Variants in PDE10A observed in about 807,000 individuals in gnomAD.
PDE10A encodes cAMP and cAMP-inhibited cGMP 3',5'-cyclic phosphodiesterase 10A.
A neutral mutation model predicts 97.7 loss-of-function variants in PDE10A; 39 were observed. The ratio of observed to expected loss-of-function variants is 0.40; its 90% CI spans 0.31 to 0.52. The LOEUF (loss-of-function observed/expected upper bound fraction) is 0.52, where lower values mean the gene tolerates loss of function less well. Among genes scored for constraint, PDE10A ranks in the 20% least tolerant of loss-of-function variants. PDE10A has a pLI of 0.56. For synonymous variants in PDE10A, 371 were observed against 376.8 expected (o/e 0.98, Z 0.18); for missense variants, 731 against 1,047.8 (o/e 0.70, Z 4.17).
rs1407899033 is a variant in PDE10A, at chr6:165,418,815, A to G, written c.1654-38T>C. The G allele has an allele frequency of 1.9e-6, 3 of 1,567,882 alleles. No homozygotes were observed. Among genetic ancestry groups the G allele is most frequent in the Non-Finnish European group, 2.6e-6 (3 of 1,144,846 alleles). ...GACAAAATAAGAGGAAGACAATGAG[A>G]CATTCAAAGAACTTGCAGGTAAACT... On this transcript the variant is annotated intron_variant, in intron 10 of 21. Coordinates refer to ENST00000539869, the MANE Select transcript of PDE10A (RefSeq NM_001385079.1). The surrounding 1 kb of genome is among the most constrained non-coding windows in gnomAD (Gnocchi z 4.8).
At chr6:165,884,574 A>T (rs1781578306) in intron 1 of PDE10A, among the ~76,000 whole-genome samples, 1 of 152,206 alleles carries the variant, frequency 6.6e-6, no homozygotes, top group African/African-American at 2.4e-5. Flanking sequence ...ACTATTTTTT[A>T]AAACCATACA....
At chr6:165,644,949 C>T (rs1270601149) in intron 1 of PDE10A, among the ~76,000 whole-genome samples, 1 of 152,184 alleles carries the variant, frequency 6.6e-6, no homozygotes, top group South Asian at 2.1e-4. Flanking sequence ...AAAAATCATA[C>T]ACCTCAGACT....
intron 1 of PDE10A, among the ~76,000 whole-genome samples, chr6:165,931,566 G>A (rs868811537): frequency 6.6e-6 from 1 of 152,186 alleles, no homozygotes; most frequent in South Asian, 2.1e-4. Flanking sequence ...CATGAAAGAA[G>A]GTGGGAGAAA....
At position 165,759,039 on chromosome 6, in the gene PDE10A, G is replaced by A. The variant is rs544991665; in HGVS notation, c.-614-215471C>T. On this transcript the variant is annotated intron_variant, in intron 1 of 19. Transcript: ENST00000366882. ...TGTCAGCCAAATGCTAGTGATGTCC[G>A]TGGGTCCAGTGTCCACATCCCACAG... Among the ~76,000 whole-genome samples, 9 of 152,290 alleles carry A rather than the reference G, an allele frequency of 5.9e-5. No homozygotes were observed. The South Asian group carries it at 1.0e-3, about 18-fold the overall frequency.
chr6:165,638,910 C>T (rs1789000331), intron 1 of PDE10A, among the ~76,000 whole-genome samples: 1 of 152,198 alleles, frequency 6.6e-6, no homozygotes, highest in Non-Finnish European at 1.5e-5. Flanking sequence ...TTAACATTTA[C>T]ATTCTGTGTC....
At chr6:165,938,650 G>T (rs77897144) in intron 1 of PDE10A, among the ~76,000 whole-genome samples, 6,630 of 152,046 alleles carry the variant, frequency 0.044, 203 homozygotes, top group Non-Finnish European at 0.061. Flanking sequence ...TCTAAAACAC[G>T]GGGCCCTGGG....
At chr6:165,430,244 C>A in intron 9 of PDE10A, 43 bp downstream of exon 9, 1 of 1,399,588 alleles carries the variant, frequency 7.1e-7, no homozygotes, top group South Asian at 1.2e-5. Context: ...TAATTTAAAC[C>A]ATTGATTAAT....
chr6:165,864,208 G>A (rs567468850), intron 1 of PDE10A, among the ~76,000 whole-genome samples: 1 of 152,256 alleles, frequency 6.6e-6, no homozygotes, highest in South Asian at 2.1e-4. Context: ...GTCACCACCT[G>A]CTTATAAAAC....
chr6:165,516,045 G>A (rs1031766070), intron 2 of PDE10A, among the ~76,000 whole-genome samples: 1 of 152,068 alleles, frequency 6.6e-6, no homozygotes, highest in Non-Finnish European at 1.5e-5. Flanking sequence ...TCATTTCCTT[G>A]GCTTTAAGAA....
chr6:165,893,693 C>T (rs538068463), intron 1 of PDE10A, among the ~76,000 whole-genome samples: 23 of 152,194 alleles, frequency 1.5e-4, no homozygotes, highest in East Asian at 1.9e-4. Context: ...CCCACATATT[C>T]GTATATTCTC....
At chr6:165,472,118 G>A (rs1389241615) in intron 3 of PDE10A, among the ~76,000 whole-genome samples, 2 of 151,890 alleles carry the variant, frequency 1.3e-5, no homozygotes, top group African/African-American at 4.8e-5. Flanking sequence ...AAAAGCTTTT[G>A]GGCCTCAGGT....
chr6:165,648,992 C>T (rs1402036515), intron 1 of PDE10A, among the ~76,000 whole-genome samples: 1 of 152,162 alleles, frequency 6.6e-6, no homozygotes, highest in Non-Finnish European at 1.5e-5. Flanking sequence ...AGAGAGCAAT[C>T]GCCACCAGGG....
intron 1 of PDE10A, among the ~76,000 whole-genome samples, chr6:165,779,446 C>T (rs1235734771): frequency 6.6e-6 from 1 of 152,198 alleles, no homozygotes; most frequent in African/African-American, 2.4e-5. Context: ...ACTTCAGCGG[C>T]TCCCTATTAG....
chr6:165,579,590 A>G (rs1785500117), intron 1 of PDE10A, among the ~76,000 whole-genome samples: 1 of 152,180 alleles, frequency 6.6e-6, no homozygotes, highest in African/African-American at 2.4e-5. Context: ...AGCCACTATC[A>G]TCCTTCACCT....
In PDE10A at chr6:165,702,806, C is replaced by G. The variant is rs187748375; in HGVS notation, c.-614-159238G>C. On this transcript the variant is annotated intron_variant, in intron 1 of 19. Transcript: ENST00000366882. ...CAGTTCCCATGGTGCACTGCAAGGA[C>G]GCTCTCTCATGATCTAATCTGCACT... Among the ~76,000 whole-genome samples, 8 of 152,258 alleles carry G rather than the reference C, an allele frequency of 5.3e-5. No homozygotes were observed. The East Asian group carries it at 1.4e-3, about 26-fold the overall frequency.
intron 2 of PDE10A, among the ~76,000 whole-genome samples, chr6:165,533,594 A>C (rs924963939): frequency 6.6e-6 from 1 of 152,170 alleles, no homozygotes; most frequent in Non-Finnish European, 1.5e-5. Flanking sequence ...ATACTTGCTC[A>C]TTGGCATACT....
At chr6:165,631,650 A>T (rs1354898531) in intron 1 of PDE10A, among the ~76,000 whole-genome samples, 1 of 152,256 alleles carries the variant, frequency 6.6e-6, no homozygotes, top group Non-Finnish European at 1.5e-5. Flanking sequence ...TTGTCATTGC[A>T]GAATAAATGG....
At chr6:165,912,112 A>ATCTG (rs376065184) in intron 1 of PDE10A, among the ~76,000 whole-genome samples, 2 of 151,778 alleles carry the variant, frequency 1.3e-5, no homozygotes, top group African/African-American at 4.8e-5. Flanking sequence ...ATTATTTATC[A>ATCTG]TCTATCTGTC....
chr6:165,539,966 A>G (rs998509703), intron 2 of PDE10A, among the ~76,000 whole-genome samples: 2 of 151,300 alleles, frequency 1.3e-5, no homozygotes, highest in Admixed American at 1.3e-4. Flanking sequence ...CCCTCAAGCA[A>G]GAGGCTATTA....
Sources: gnomAD v4.1 joint callset for allele counts (sites outside exome capture counted in the v4.1 genomes callset) on GRCh38, gnomAD v4.1.1 for gene constraint, Gnocchi (gnomAD v3.1) non-coding constraint, MANE v1.5 for transcripts, NCBI Gene and HGNC (gene_info 2026-07-23, HGNC 2026-07-21) for gene names.